Variants in LRP6 observed in about 807,000 individuals in gnomAD.
LRP6 encodes low-density lipoprotein receptor-related protein 6.
LRP6 carries 43 observed loss-of-function variants against 184.1 expected under a neutral mutation model. The ratio of observed to expected loss-of-function variants is 0.23; its 90% CI spans 0.18 to 0.30. The LOEUF (loss-of-function observed/expected upper bound fraction) is 0.30, where lower values mean the gene tolerates loss of function less well. Among genes scored for constraint, LRP6 ranks in the 10% least tolerant of loss-of-function variants. The pLI is 1.00. For synonymous variants in LRP6, 719 were observed against 684.9 expected, an observed-to-expected ratio of 1.05 and a Z score of -0.78; for missense variants, 1,571 against 2,005.3, an observed-to-expected ratio of 0.78 and a Z score of 4.14.
chr12:12,189,009 A>G (rs1863547042), intron 3 of LRP6, among the ~76,000 whole-genome samples: 1 of 152,230 alleles, frequency 6.6e-6, no homozygotes, highest in South Asian at 2.1e-4. Flanking sequence ...AACTGCTTTG[A>G]AAAACTCAAG....
intron 8 of LRP6, 67 bp downstream of exon 8, chr12:12,165,012 C>T: frequency 9.2e-7 from 1 of 1,087,380 alleles, no homozygotes; most frequent in Non-Finnish European, 1.3e-6. Flanking sequence ...ATAATTTACA[C>T]TGCTGACTAT....
intron 19 of LRP6, among the ~76,000 whole-genome samples, chr12:12,129,890 T>C (rs1463424534): frequency 6.6e-6 from 1 of 152,162 alleles, no homozygotes; most frequent in Non-Finnish European, 1.5e-5. Flanking sequence ...GATGCCTTCC[T>C]TGATCAAGTC....
chr12:12,199,964 CAAAAAAAAAAAAAAA>C (rs146224493), intron 3 of LRP6, among the ~76,000 whole-genome samples: 41 of 45,202 alleles, frequency 9.1e-4, no homozygotes, highest in African/African-American at 3.1e-3. Flanking sequence ...GACTCCATCT[CAAAAAAAAAAAAAAA>C]AAAAAAAAAA....
intron 7 of LRP6, among the ~76,000 whole-genome samples, chr12:12,167,370 G>A (rs1268908054): frequency 6.6e-6 from 1 of 152,068 alleles, no homozygotes; most frequent in Non-Finnish European, 1.5e-5. Flanking sequence ...CAGTCCAGGC[G>A]CGGTGGCTCA....
intron 2 of LRP6, among the ~76,000 whole-genome samples, chr12:12,210,547 G>A (rs1187113708): frequency 2.6e-5 from 4 of 152,168 alleles, no homozygotes; most frequent in Admixed American, 2.6e-4. Context: ...AAAGAAGTTG[G>A]TCTACAGTAA....
intron 7 of LRP6, among the ~76,000 whole-genome samples, chr12:12,168,775 A>C (rs1358140869): frequency 6.6e-6 from 1 of 152,248 alleles, no homozygotes; most frequent in Non-Finnish European, 1.5e-5. Context: ...GAGAGGTCCA[A>C]AATCCCTTAT....
At chr12:12,176,845 T>A (rs1235644367) in intron 7 of LRP6, among the ~76,000 whole-genome samples, 2 of 5,800 alleles carry the variant, frequency 3.4e-4, no homozygotes, top group Non-Finnish European at 6.6e-4. Context: ...AGCCCAAACT[T>A]TTTTTTTTTT....
At chr12:12,248,149 G>C (rs1020029234) in intron 1 of LRP6, among the ~76,000 whole-genome samples, 1 of 152,050 alleles carries the variant, frequency 6.6e-6, no homozygotes, top group Non-Finnish European at 1.5e-5. Flanking sequence ...TTCCTCCTAA[G>C]GCTAAAGCAA....
At chr12:12,162,124 C>A in intron 10 of LRP6, 69 bp downstream of exon 10, 1 of 1,167,706 alleles carries the variant, frequency 8.6e-7, no homozygotes. Context: ...AGAATATCAT[C>A]TGTAACTATG....
intron 9 of LRP6, among the ~76,000 whole-genome samples, chr12:12,163,112 A>G (rs1007046380): frequency 6.6e-6 from 1 of 151,968 alleles, no homozygotes; most frequent in Admixed American, 6.6e-5. Context: ...AGTAGCTGGG[A>G]TTACAGGTAT....
At chr12:12,166,482 A>T (rs1228147816) in intron 7 of LRP6, among the ~76,000 whole-genome samples, 1 of 152,162 alleles carries the variant, frequency 6.6e-6, no homozygotes, top group East Asian at 1.9e-4. Flanking sequence ...CTTTCTTATA[A>T]GTTTGTGGTA....
chr12:12,209,245 A>T (rs1409882607), intron 2 of LRP6, among the ~76,000 whole-genome samples: 1 of 152,332 alleles, frequency 6.6e-6, no homozygotes, highest in African/African-American at 2.4e-5. Flanking sequence ...TCCTAACTGT[A>T]ACTAATCTAA....
chr12:12,125,524 A>G, intron 20 of LRP6, 92 bp from the exon 21 acceptor site: 1 of 1,111,002 alleles, frequency 9.0e-7, no homozygotes. Flanking sequence ...ACAAATATCA[A>G]CAGTGAAGTA....
chr12:12,186,175 A>T (rs1863469328), intron 4 of LRP6, among the ~76,000 whole-genome samples: 1 of 152,066 alleles, frequency 6.6e-6, no homozygotes, highest in Admixed American at 6.6e-5. Flanking sequence ...ACACACTCAC[A>T]TCAACACATT....
intron 3 of LRP6, among the ~76,000 whole-genome samples, chr12:12,193,420 G>C (rs1473582644): frequency 6.7e-6 from 1 of 149,632 alleles, no homozygotes; most frequent in East Asian, 1.9e-4. Context: ...CAATAAAGGG[G>C]GAAAAATCAA....
chr12:12,258,773 C>T (rs1653332970), intron 1 of LRP6, among the ~76,000 whole-genome samples: 1 of 152,196 alleles, frequency 6.6e-6, no homozygotes, highest in African/African-American at 2.4e-5. Context: ...ATATACAGTA[C>T]TTAAATTATA....
At chr12:12,161,331 G>A (rs986572070) in intron 10 of LRP6, among the ~76,000 whole-genome samples, 8 of 151,874 alleles carry the variant, frequency 5.3e-5, no homozygotes, top group African/African-American at 9.7e-5. Flanking sequence ...GCAGTGGCAC[G>A]ATCTCGGCTC....
chr12:12,167,240 C>G (rs1862902892), intron 7 of LRP6, among the ~76,000 whole-genome samples: 1 of 152,160 alleles, frequency 6.6e-6, no homozygotes, highest in South Asian at 2.1e-4. Context: ...CTTCTGTTCT[C>G]TAAAAAATTT....
At chr12:12,157,696 C>G (rs1039921982) in intron 12 of LRP6, among the ~76,000 whole-genome samples, 2 of 152,120 alleles carry the variant, frequency 1.3e-5, no homozygotes, top group African/African-American at 4.8e-5. Flanking sequence ...AAAGTCATGT[C>G]AATAGTTAAT....
Sources: allele counts gnomAD v4.1 joint callset (sites outside exome capture counted in the v4.1 genomes callset), GRCh38; gene constraint gnomAD v4.1.1; transcripts MANE v1.5; gene names NCBI Gene and HGNC (gene_info 2026-07-23, HGNC 2026-07-21).